The following EIF4G3 variants were observed in gnomAD, a reference collection of about 807,000 sequenced individuals.
EIF4G3 encodes eIF-4-gamma 3.
Under a neutral mutation model 186.4 loss-of-function variants are expected in EIF4G3, and 34 were observed. The observed-to-expected ratio is 0.18, with a 90% CI of 0.14 to 0.24. The LOEUF (loss-of-function observed/expected upper bound fraction) is 0.24, where lower values mean the gene tolerates loss of function less well. Ranked by LOEUF, EIF4G3 falls within the 10% of genes least tolerant of loss-of-function variation. EIF4G3 has a pLI of 1.00. For missense variants in EIF4G3, 1,536 were observed against 1,948.5 expected (o/e 0.79, Z 3.99); for synonymous variants, 673 against 679.5 (o/e 0.99, Z 0.15).
At chr1:21,024,060 G>A (rs544842566) in intron 4 of EIF4G3, among the ~76,000 whole-genome samples, 8 of 149,984 alleles carry the variant, frequency 5.3e-5, no homozygotes, top group South Asian at 4.3e-4. Context: ...CCCTCCGCCC[G>A]GCAGCTGCCC....
chr1:20,978,128 T>C (rs1352974948), intron 10 of EIF4G3, among the ~76,000 whole-genome samples: 2 of 152,276 alleles, frequency 1.3e-5, no homozygotes, highest in African/African-American at 2.4e-5. Flanking sequence ...GTAACAACCA[T>C]TGTTACTCTC....
chr1:20,992,589 T>C (rs2081360016), intron 7 of EIF4G3, among the ~76,000 whole-genome samples: 1 of 152,214 alleles, frequency 6.6e-6, no homozygotes, highest in South Asian at 2.1e-4. Flanking sequence ...AAGCTCATTA[T>C]TTGTTTACAC....
rs1558362029 is a variant in EIF4G3 at position 20,943,968 on chromosome 1, T to TGTGTGTGTGTGTGTG, written c.824-1639_824-1638insCACACACACACACAC. Among the ~76,000 whole-genome samples the TGTGTGTGTGTGTGTG allele has an allele frequency of 4.1e-3, 49 of 11,954 alleles. 5 individuals are homozygous for TGTGTGTGTGTGTGTG. Among genetic ancestry groups the TGTGTGTGTGTGTGTG allele is most frequent in the East Asian group, 0.019 (19 of 1,004 alleles). 7.8% of individuals were successfully genotyped at this position (11,954 alleles called of 152,430 possible). On this transcript the variant is annotated intron_variant, in intron 13 of 36. Transcript: ENST00000602326. ...AATATTTCAGGAAAACTTGTCTTTA[T>TGTGTGTGTGTGTGTG]TTTTTTTGTGTGTGTGTGTGTGTGT...
At position 20,807,229 on chromosome 1, in the gene EIF4G3, G is replaced by A. The variant is rs756586385; in HGVS notation, c.*90C>T. 4.0e-5 allele frequency: 49 copies of A among 1,231,140 alleles called. No homozygotes were observed. Among genetic ancestry groups the A allele is most frequent in the Non-Finnish European group, 5.0e-5 (45 of 894,852 alleles). The allele number at this position is 1,231,140 out of a possible 1,614,324, so 76.3% of individuals were successfully genotyped here. ...CACGTGGGGGTTTCTGCGAGAATTGGCCTTGCTGCACTGTGATTGGCGAAG... is the reference window on the plus strand; with the variant it reads ...CACGTGGGGGTTTCTGCGAGAATTGACCTTGCTGCACTGTGATTGGCGAAG... On this transcript the variant is annotated 3_prime_UTR_variant, in exon 37 of 37. Coordinates refer to ENST00000602326, the MANE Select transcript of EIF4G3 (RefSeq NM_001391906.1).
chr1:21,092,356 G>A (rs1188091830), intron 2 of EIF4G3, among the ~76,000 whole-genome samples: 1 of 152,104 alleles, frequency 6.6e-6, no homozygotes, highest in East Asian at 1.9e-4. Context: ...TGGTCACTGT[G>A]GATAAGCTTT....
intron 7 of EIF4G3, among the ~76,000 whole-genome samples, chr1:20,986,545 C>T (rs895578727): frequency 6.6e-6 from 1 of 151,632 alleles, no homozygotes; most frequent in Non-Finnish European, 1.5e-5. Context: ...GAAAACCTGA[C>T]CCATCCTGGC....
At chr1:21,100,263 C>T (rs2096486713) in intron 2 of EIF4G3, among the ~76,000 whole-genome samples, 3 of 152,012 alleles carry the variant, frequency 2.0e-5, no homozygotes, top group Admixed American at 6.6e-5. Context: ...TTGAGATAAA[C>T]CAAACATTCT....
At chr1:21,113,287 T>A (rs909492713) in intron 2 of EIF4G3, among the ~76,000 whole-genome samples, 10 of 152,090 alleles carry the variant, frequency 6.6e-5, no homozygotes, top group African/African-American at 2.4e-4. Flanking sequence ...TTTCTTTTTT[T>A]AATAAGCTTT....
chr1:21,129,459 CAT>C (rs1042387493), intron 2 of EIF4G3, among the ~76,000 whole-genome samples: 29 of 152,214 alleles, frequency 1.9e-4, no homozygotes, highest in African/African-American at 4.1e-4. Flanking sequence ...CAAATCTCCA[CAT>C]GAGCAAGACC....
intron 32 of EIF4G3, among the ~76,000 whole-genome samples, chr1:20,826,481 CTTTTTTTTTTTTT>C (rs71014120): frequency 7.9e-5 from 4 of 50,634 alleles, no homozygotes; most frequent in Non-Finnish European, 1.0e-4. Context: ...GTGAGTCTTT[CTTTTTTTTTTTTT>C]TTTTTTTTTT....
intron 11 of EIF4G3, among the ~76,000 whole-genome samples, chr1:20,970,315 A>T (rs1345062791): frequency 6.6e-6 from 1 of 152,184 alleles, no homozygotes; most frequent in African/African-American, 2.4e-5. Flanking sequence ...AGAATAGCTC[A>T]AAAATTATCA....
At position 21,035,366 on chromosome 1, in the gene EIF4G3, C is replaced by T. The variant is rs370184236; in HGVS notation, c.-67+15500G>A. Among the ~76,000 whole-genome samples, 51 of 152,302 alleles carry T rather than the reference C, an allele frequency of 3.3e-4. No homozygotes were observed. The East Asian group carries it at 8.5e-3, about 25-fold the overall frequency. On this transcript the variant is annotated intron_variant, in intron 4 of 36. Coordinates refer to ENST00000602326, the MANE Select transcript of EIF4G3 (RefSeq NM_001391906.1). ...CCCTCCTGAGTTGGCAGGGCAGGAG[C>T]TCCCCAGGCACAGCTCCAGCCACTC...
In EIF4G3 at chr1:20,829,056, G is replaced by A. The variant is rs1221885463; in HGVS notation, c.4187+91C>T. The A allele has an allele frequency of 1.2e-5, 17 of 1,397,626 alleles. No homozygotes were observed. The East Asian group carries it at 1.4e-4, about 11-fold the overall frequency. 86.6% of individuals were successfully genotyped at this position (1,397,626 alleles called of 1,614,324 possible). A position where few individuals can be genotyped will look rare whatever the true frequency, so the allele number is the denominator to read the frequency against. On this transcript the variant is annotated intron_variant, in intron 31 of 36. Coordinates refer to ENST00000602326, the MANE Select transcript of EIF4G3 (RefSeq NM_001391906.1). The stretch of plus-strand genomic sequence containing the variant: ...CCTGCATTCATGAGTCTCCAAAGGC[G>A]ATAATGGGACAGTACTATGATAGAG...
intron 3 of EIF4G3, among the ~76,000 whole-genome samples, chr1:21,053,970 A>G (rs2094438638): frequency 1.3e-5 from 2 of 152,220 alleles, no homozygotes; most frequent in South Asian, 4.1e-4. Flanking sequence ...TGGGAGGTGT[A>G]CTCAACAGCT....
At chr1:20,911,229 A>C (rs1285173584) in intron 14 of EIF4G3, among the ~76,000 whole-genome samples, 1 of 152,128 alleles carries the variant, frequency 6.6e-6, no homozygotes, top group East Asian at 1.9e-4. Context: ...TTTATACCCG[A>C]AAAAACGAAA....
At chr1:20,990,661 T>A (rs1359864126) in intron 7 of EIF4G3, among the ~76,000 whole-genome samples, 1 of 152,180 alleles carries the variant, frequency 6.6e-6, no homozygotes, top group South Asian at 2.1e-4. Context: ...AGAGCAAGAC[T>A]CCATCTCAAA....
At chr1:21,013,083 A>C (rs1007865758) in intron 4 of EIF4G3, among the ~76,000 whole-genome samples, 2 of 152,288 alleles carry the variant, frequency 1.3e-5, no homozygotes, top group Non-Finnish European at 2.9e-5. Context: ...GCTAGAGTCC[A>C]GGGAAGCTAT....
chr1:20,907,503 T>C (rs113992684), intron 14 of EIF4G3, among the ~76,000 whole-genome samples: 47,576 of 150,906 alleles, frequency 0.32, 8,247 homozygotes, highest in Non-Finnish European at 0.39. Flanking sequence ...AACTCGTCAT[T>C]TAGCATTAGG....
chr1:20,982,447 G>C (rs370544697), intron 7 of EIF4G3, 39 bp from the exon 8 acceptor site: 26 of 1,511,548 alleles, frequency 1.7e-5, no homozygotes, highest in Non-Finnish European at 2.3e-5. Flanking sequence ...GAAACAGAAA[G>C]AAAGCCAATG....
Sources: allele counts gnomAD v4.1 joint callset (sites outside exome capture counted in the v4.1 genomes callset), GRCh38; gene constraint gnomAD v4.1.1; transcripts MANE v1.5; gene names NCBI Gene and HGNC (gene_info 2026-07-23, HGNC 2026-07-21).